CEACAM7: variants seen among roughly 807,000 people sequenced by gnomAD.
The protein encoded by CEACAM7 is cell adhesion molecule CEACAM7.
CEACAM7 carries 24 observed loss-of-function variants against 25.7 expected under a neutral mutation model. The ratio of observed to expected loss-of-function variants is 0.93; its 90% CI spans 0.68 to 1.31. CEACAM7 has a LOEUF of 1.31. CEACAM7 is among the 40% of genes most tolerant of loss of function. The pLI is 0.00. For synonymous variants in CEACAM7, 144 were observed against 129.4 expected (o/e 1.11, Z -0.77); for missense variants, 324 against 330.1 (o/e 0.98, Z 0.14).
intron 3 of CEACAM7, 72 bp downstream of exon 3, chr19:41,683,713 T>G (rs2072197706): frequency 6.3e-7 from 1 of 1,579,606 alleles, no homozygotes; most frequent in South Asian, 1.2e-5. Flanking sequence ...TGAGAGGGAC[T>G]AAGAGGCCTG....
At chr19:41,682,708 C>G (rs997413786) in intron 3 of CEACAM7, among the ~76,000 whole-genome samples, 1 of 152,246 alleles carries the variant, frequency 6.6e-6, no homozygotes. Context: ...GCTCCTCCCT[C>G]GTCCAAGGGG....
intron 3 of CEACAM7, among the ~76,000 whole-genome samples, chr19:41,677,897 C>T (rs1467434073): frequency 6.6e-6 from 1 of 152,106 alleles, no homozygotes; most frequent in Non-Finnish European, 1.5e-5. Flanking sequence ...GCACAGAGAC[C>T]TCACTTCCCA....
In CEACAM7 at chr19:41,674,641, A is replaced by G; in HGVS notation, c.*135T>C. ...CCTTGAAATTTACATTGAGTTGTCC[A>G]CCTCCAGCTTATAGGTCTTCAGGAA... On this transcript the variant is annotated 3_prime_UTR_variant, in exon 5 of 5. Coordinates refer to ENST00000401731, the MANE Select transcript of CEACAM7 (RefSeq NM_001291485.2). 2.9e-6 allele frequency: 1 copy of G among 350,484 alleles called. No homozygotes were observed. Among genetic ancestry groups the G allele is most frequent in the Non-Finnish European group, 5.7e-6 (1 of 174,508 alleles). The allele number at this position is 350,484 out of a possible 1,614,324, so 21.7% of individuals were successfully genotyped here.
intron 3 of CEACAM7, 57 bp from the exon 4 acceptor site, chr19:41,677,560 C>T (rs2072128079): frequency 7.8e-7 from 1 of 1,283,798 alleles, no homozygotes; most frequent in Non-Finnish European, 1.1e-6. Flanking sequence ...AGGGAAGTCC[C>T]CCAGGAACCA....
intron 2 of CEACAM7, among the ~76,000 whole-genome samples, chr19:41,685,145 T>C (rs2122731193): frequency 6.6e-6 from 1 of 152,026 alleles, no homozygotes; most frequent in South Asian, 2.1e-4. Context: ...GAGGATGGAG[T>C]TGGTAGTAAA....
In CEACAM7 at chr19:41,674,190, G is replaced by A. The variant is rs1439267853; in HGVS notation, c.*586C>T. 6.6e-6 allele frequency: 1 copy of A among 152,236 alleles called. No homozygotes were observed. The highest frequency in any genetic ancestry group is 1.5e-5 in the Non-Finnish European group (1 of 68,042). The allele number at this position is 152,236 out of a possible 1,614,324, so 9.4% of individuals were successfully genotyped here. On this transcript the variant is annotated 3_prime_UTR_variant, in exon 5 of 5. Transcript: ENST00000401731. ...GCTGGGTTAAATTAAAACAGGGCGT[G>A]AGAACAGGTGAGTCTAGAGGTCTAA...
chr19:41,684,773 A>C (rs1270831484), intron 2 of CEACAM7, among the ~76,000 whole-genome samples: 1 of 152,148 alleles, frequency 6.6e-6, no homozygotes, highest in East Asian at 1.9e-4. Context: ...AAATTAGGAG[A>C]AGAGATGTGT....
rs781790659 is a variant in CEACAM7, at chr19:41,684,071, G to T, written c.428-8C>A. 4 of 1,609,922 alleles carry T rather than the reference G, an allele frequency of 2.5e-6. No homozygotes were observed. Among genetic ancestry groups the T allele is most frequent in the Non-Finnish European group, 3.4e-6 (4 of 1,177,874 alleles). Reference sequence around the variant, plus strand: ...AGGGCTTGGGTGGCTCCGCTGTGCAGATAAGAGAGAGAAAAGATTGCCCTG... The same window carrying T: ...AGGGCTTGGGTGGCTCCGCTGTGCATATAAGAGAGAGAAAAGATTGCCCTG... On this transcript the variant is annotated splice_region_variant and splice_polypyrimidine_tract_variant and intron_variant, in intron 2 of 4. Coordinates refer to ENST00000401731, the MANE Select transcript of CEACAM7 (RefSeq NM_001291485.2).
intron 3 of CEACAM7, among the ~76,000 whole-genome samples, chr19:41,682,812 G>A (rs1360404556): frequency 1.3e-5 from 2 of 152,184 alleles, no homozygotes; most frequent in African/African-American, 4.8e-5. Flanking sequence ...ACAAAGAGGT[G>A]ACAAAAAGGG....
At position 41,687,150 on chromosome 19, in the gene CEACAM7, C is replaced by T. The variant is rs782285346; in HGVS notation, c.136G>A (p.Ala46Thr). Residue 46 changes from alanine (A) to threonine (T), a missense_variant, in exon 2 of 5, where the codon GCA (alanine) becomes ACA (threonine). Transcript: ENST00000401731. ...ACTAGAAGGACCTCCTTCCCTTCTG[C>T]GACATTGAACGGCACGACATCAATA... ...TNIDVVPFNV[A>T]EGKEVLLVVH... 2.0e-5 allele frequency: 32 copies of T among 1,613,756 alleles called. No homozygotes were observed. Among genetic ancestry groups the T allele is most frequent in the Non-Finnish European group, 2.5e-5 (29 of 1,179,904 alleles).
At chr19:41,682,593 C>A (rs1399326540) in intron 3 of CEACAM7, among the ~76,000 whole-genome samples, 1 of 152,160 alleles carries the variant, frequency 6.6e-6, no homozygotes, top group African/African-American at 2.4e-5. Context: ...CAGGACAGGT[C>A]GCCCAAGCAC....
At chr19:41,683,141 A>G (rs1555810832) in intron 3 of CEACAM7, among the ~76,000 whole-genome samples, 1 of 152,324 alleles carries the variant, frequency 6.6e-6, no homozygotes, top group South Asian at 2.1e-4. Flanking sequence ...GGATCCATGT[A>G]CCACGGACTG....
chr19:41,677,363 T>A lies in CEACAM7; in HGVS notation c.*36+13A>T, dbSNP rs782223022. On this transcript the variant is annotated intron_variant, in intron 4 of 4. Coordinates refer to ENST00000401731, the MANE Select transcript of CEACAM7 (RefSeq NM_001291485.2). ...GCAGGAAATAGGATAAGAGGAAAGG[T>A]CATAATACCTACCACTCTTCCCGAA... The A allele has an allele frequency of 7.2e-7, 1 of 1,385,876 alleles. No homozygotes were observed. The highest frequency in any genetic ancestry group is 1.2e-5 in the South Asian group (1 of 86,298). 85.8% of individuals were successfully genotyped at this position (1,385,876 alleles called of 1,614,324 possible).
chr19:41,688,091 C>T lies in CEACAM7; in HGVS notation c.64+11G>A, dbSNP rs200799872. Reference sequence around the variant, plus strand: ...CTCCTCCCACCCACTCCCAGGAAGTCCTCCCCTCACCTGTGAGCAGGAGCC... The same window carrying T: ...CTCCTCCCACCCACTCCCAGGAAGTTCTCCCCTCACCTGTGAGCAGGAGCC... On this transcript the variant is annotated intron_variant, in intron 1 of 4. Coordinates refer to ENST00000401731, the MANE Select transcript of CEACAM7 (RefSeq NM_001291485.2). The T allele has an allele frequency of 1.5e-5, 24 of 1,608,184 alleles. No homozygotes were observed. The East Asian group carries it at 4.7e-4, about 32-fold the overall frequency.
chr19:41,677,549 C>T, intron 3 of CEACAM7, 46 bp from the exon 4 acceptor site: 1 of 1,431,992 alleles, frequency 7.0e-7, no homozygotes. Flanking sequence ...TCTTATTTTA[C>T]AGGGAAGTCC....
At position 41,677,408 on chromosome 19, in the gene CEACAM7, G is replaced by A; in HGVS notation, c.*4C>T. On this transcript the variant is annotated 3_prime_UTR_variant, in exon 4 of 5. Transcript: ENST00000401731. ...CCCGAAATGCAGAAACTACACCAAG[G>A]CTGCTATATCAGAGCCATCCCAGCC... The A allele has an allele frequency of 6.2e-7, 1 of 1,607,602 alleles. No homozygotes were observed. The highest frequency in any genetic ancestry group is 8.5e-7 in the Non-Finnish European group (1 of 1,174,178).
intron 4 of CEACAM7, among the ~76,000 whole-genome samples, chr19:41,675,807 A>C (rs1402432104): frequency 2.6e-5 from 4 of 152,254 alleles, no homozygotes; most frequent in African/African-American, 9.6e-5. Context: ...ATGTAACACT[A>C]TGACTGACAA....
chr19:41,687,133 G>A lies in CEACAM7; in HGVS notation c.153C>T (p.Val51=). The A allele has an allele frequency of 2.5e-6, 4 of 1,614,030 alleles. No homozygotes were observed. Among genetic ancestry groups the A allele is most frequent in the Non-Finnish European group, 3.4e-6 (4 of 1,179,980 alleles). The change falls in exon 2 of 5, where the codon GTC becomes GTT. Residue 51 remains valine, a synonymous_variant. Transcript: ENST00000401731. ...VPFNVAEGKE[V]LLVVHNESQN... ...GGGACTCATTATGGACTACTAGAAGGACCTCCTTCCCTTCTGCGACATTGA... is the reference window on the plus strand; with the variant it reads ...GGGACTCATTATGGACTACTAGAAGAACCTCCTTCCCTTCTGCGACATTGA...
At chr19:41,674,948 G>A (rs1487505593) in intron 4 of CEACAM7, among the ~76,000 whole-genome samples, 6 of 152,140 alleles carry the variant, frequency 3.9e-5, no homozygotes, top group South Asian at 2.1e-4. Flanking sequence ...AGCAAGAATA[G>A]CGATTGACCA....
Sources: allele counts gnomAD v4.1 joint callset (sites outside exome capture counted in the v4.1 genomes callset), GRCh38; gene constraint gnomAD v4.1.1; transcripts MANE v1.5; gene names NCBI Gene and HGNC (gene_info 2026-07-23, HGNC 2026-07-21).